STK4: variants seen among roughly 807,000 people sequenced by gnomAD.
STK4 encodes the protein serine/threonine kinase 4.
A neutral mutation model predicts 64.9 loss-of-function variants in STK4; 30 were observed. The ratio of observed to expected loss-of-function variants is 0.46; its 90% CI spans 0.35 to 0.63. STK4 has a LOEUF of 0.63. Ranked by LOEUF, STK4 falls within the 20% of genes least tolerant of loss-of-function variation. The pLI is 0.01. For missense variants in STK4, 466 were observed against 598.5 expected (o/e 0.78, Z 2.31); for synonymous variants, 177 against 199.0 (o/e 0.89, Z 0.93).
chr20:45,071,300 T>C (rs1980046268), intron 10 of STK4, among the ~76,000 whole-genome samples: 1 of 152,226 alleles, frequency 6.6e-6, no homozygotes, highest in South Asian at 2.1e-4. Context: ...GTAGCAAAAC[T>C]GTAGAATCAC....
chr20:44,995,605 C>CAA (rs60140206), intron 6 of STK4, among the ~76,000 whole-genome samples: 3,687 of 53,916 alleles, frequency 0.068, 632 homozygotes, highest in African/African-American at 0.21. Flanking sequence ...GACTCCATCT[C>CAA]AAAAAAAAAA....
At chr20:45,032,303 T>C (rs892063247) in intron 10 of STK4, among the ~76,000 whole-genome samples, 61 of 152,298 alleles carry the variant, frequency 4.0e-4, no homozygotes, top group African/African-American at 1.4e-3. Flanking sequence ...CAGGGGTACA[T>C]GTGCAGGTTT....
At position 44,997,323 on chromosome 20, in the gene STK4, G is replaced by T; in HGVS notation, c.831+17G>T. 8 of 1,574,890 alleles carry T rather than the reference G, an allele frequency of 5.1e-6. No individual in the cohort carries two copies. The highest frequency in any genetic ancestry group is 6.9e-6 in the Non-Finnish European group (8 of 1,164,630). ...CTCCTGCAGGTATGAATCACCCTGTGATGCCATCTCGCTCCATTTCATTTA... is the reference window on the plus strand; with the variant it reads ...CTCCTGCAGGTATGAATCACCCTGTTATGCCATCTCGCTCCATTTCATTTA... On this transcript the variant is annotated intron_variant, in intron 7 of 10. Coordinates refer to ENST00000372806, the MANE Select transcript of STK4 (RefSeq NM_006282.5).
chr20:45,022,363 A>G (rs1396377482), intron 9 of STK4, among the ~76,000 whole-genome samples: 2 of 152,228 alleles, frequency 1.3e-5, no homozygotes, highest in South Asian at 2.1e-4. Context: ...AAAAGCAAAT[A>G]CATTTTAGAT....
At chr20:44,977,487 A>G (rs1332342879) in intron 2 of STK4, among the ~76,000 whole-genome samples, 1 of 152,182 alleles carries the variant, frequency 6.6e-6, no homozygotes, top group East Asian at 1.9e-4. Context: ...GATTCCAATG[A>G]AAATGTTATC....
At chr20:45,009,336 A>C (rs1172542766) in intron 9 of STK4, among the ~76,000 whole-genome samples, 1 of 152,160 alleles carries the variant, frequency 6.6e-6, no homozygotes, top group Non-Finnish European at 1.5e-5. Flanking sequence ...GTCGAAGATT[A>C]GCTGGTTGTA....
intron 10 of STK4, among the ~76,000 whole-genome samples, chr20:45,065,638 A>C (rs1979503521): frequency 1.3e-5 from 2 of 151,508 alleles, no homozygotes; most frequent in Non-Finnish European, 2.9e-5. Flanking sequence ...TACATTTTGT[A>C]GCTTGTGAGT....
At chr20:45,047,097 G>GACTA (rs796726825) in intron 10 of STK4, among the ~76,000 whole-genome samples, 1 of 152,130 alleles carries the variant, frequency 6.6e-6, no homozygotes, top group African/African-American at 2.4e-5. Context: ...GGTCTCTTAA[G>GACTA]ACTAACTACA....
chr20:45,041,160 T>G (rs6130738), intron 10 of STK4, among the ~76,000 whole-genome samples: 18,918 of 152,230 alleles, frequency 0.12, 1,541 homozygotes, highest in East Asian at 0.22. Flanking sequence ...AGGTATTGCT[T>G]TTTATTGTTT....
intron 7 of STK4, among the ~76,000 whole-genome samples, chr20:44,997,750 A>C (rs1292776917): frequency 6.6e-6 from 1 of 152,222 alleles, no homozygotes; most frequent in African/African-American, 2.4e-5. Flanking sequence ...GGAGGTTTGA[A>C]TCTATTTGAG....
rs550133448 is a variant in STK4, at chr20:44,992,691, GTTTGTTT to G, written c.526-2382_526-2376del. The stretch of plus-strand genomic sequence containing the variant: ...CTGGCTAATGTACTGTTTTTTTTTT[GTTTGTTT>G]TTTGTTTTTTGTTTTTGAGACAGTC... On this transcript the variant is annotated intron_variant, in intron 5 of 10. Transcript: ENST00000372806. Among the ~76,000 whole-genome samples the G allele has an allele frequency of 4.5e-3, 683 of 150,774 alleles. 7 individuals carry two copies. Among genetic ancestry groups the G allele is most frequent in the Non-Finnish European group, 5.4e-3 (368 of 67,584 alleles).
intron 1 of STK4, among the ~76,000 whole-genome samples, chr20:44,970,249 A>G (rs1358900843): frequency 6.6e-6 from 1 of 152,176 alleles, no homozygotes; most frequent in Non-Finnish European, 1.5e-5. Flanking sequence ...AAAAAAAGAA[A>G]AAAAAAGTTT....
Position 45,052,988 on chromosome 20 carries a change from A to G in STK4, c.1306-22030A>G. On this transcript the variant is annotated intron_variant, in intron 10 of 10. Coordinates refer to ENST00000372806, the MANE Select transcript of STK4 (RefSeq NM_006282.5). ...GACAGGGTACACTATTTTTGTTTCA[A>G]CTTCTTATTTTTCCTGTAAAGCTTG... 3.2e-6 allele frequency: 3 copies of G among 948,852 alleles called. No homozygotes were observed. In the South Asian group the frequency reaches 4.6e-5, roughly 14 times the overall value. The allele number at this position is 948,852 out of a possible 1,614,324, so 58.8% of individuals were successfully genotyped here.
At chr20:45,016,642 C>G (rs1023511214) in intron 9 of STK4, among the ~76,000 whole-genome samples, 1 of 152,048 alleles carries the variant, frequency 6.6e-6, no homozygotes, top group Non-Finnish European at 1.5e-5. Context: ...TTCAGAACAC[C>G]CTGCCAGACC....
intron 4 of STK4, among the ~76,000 whole-genome samples, chr20:44,985,248 A>G (rs1451853037): frequency 6.6e-6 from 1 of 152,228 alleles, no homozygotes; most frequent in Admixed American, 6.5e-5. Flanking sequence ...TGATGATGAT[A>G]ATAATAGTTC....
intron 5 of STK4, among the ~76,000 whole-genome samples, chr20:44,994,881 G>T (rs1035906581): frequency 8.6e-5 from 13 of 151,460 alleles, no homozygotes; most frequent in African/African-American, 3.2e-4. Context: ...GTGTTTCTTT[G>T]TCATTTGAAT....
chr20:44,988,551 A>G lies in STK4; in HGVS notation c.525+1255A>G, dbSNP rs1358875999. Among the ~76,000 whole-genome samples the G allele has an allele frequency of 1.4e-3, 150 of 108,654 alleles. 4 individuals carry two copies. Among genetic ancestry groups the G allele is most frequent in the African/African-American group, 3.9e-3 (131 of 33,944 alleles). The allele number at this position is 108,654 out of a possible 152,430, so 71.3% of individuals were successfully genotyped here. ...TGTGTGTGTATATATATATATATAT[A>G]TATATATATATATATATGTATCCAT... On this transcript the variant is annotated intron_variant, in intron 5 of 10. Transcript: ENST00000372806.
intron 10 of STK4, among the ~76,000 whole-genome samples, chr20:45,049,051 C>G (rs1050470502): frequency 2.6e-5 from 4 of 151,768 alleles, no homozygotes; most frequent in African/African-American, 9.7e-5. Flanking sequence ...TAAAATAGCT[C>G]AAGTAAATGT....
At chr20:44,985,334 G>A (rs1328066924) in intron 4 of STK4, among the ~76,000 whole-genome samples, 1 of 152,078 alleles carries the variant, frequency 6.6e-6, no homozygotes, top group African/African-American at 2.4e-5. Context: ...CTTAGTAACG[G>A]TTAGCCTTTA....
Sources: allele counts gnomAD v4.1 joint callset (sites outside exome capture counted in the v4.1 genomes callset), GRCh38; gene constraint gnomAD v4.1.1; transcripts MANE v1.5; gene names NCBI Gene and HGNC (gene_info 2026-07-23, HGNC 2026-07-21).